The following PCDHA12 variants were observed in gnomAD, a reference collection of about 807,000 sequenced individuals.
PCDHA12 encodes the protein protocadherin alpha-12.
In PCDHA12, 44 loss-of-function variants were observed where a neutral mutation model predicts 60.0. That is an observed-to-expected ratio of 0.73 (90% CI 0.58 to 0.94). PCDHA12 has a LOEUF of 0.94. PCDHA12 is among the 40% of genes least tolerant of loss of function. The pLI, the probability that PCDHA12 is intolerant of heterozygous loss-of-function variation, is 0.00. For missense variants in PCDHA12, 1,276 were observed against 1,239.7 expected, an observed-to-expected ratio of 1.03 and a Z score of -0.44; for synonymous variants, 569 against 553.0, an observed-to-expected ratio of 1.03 and a Z score of -0.40.
At chr5:140,962,077 G>T (rs2095655013) in intron 1 of PCDHA12, among the ~76,000 whole-genome samples, 1 of 151,866 alleles carries the variant, frequency 6.6e-6, no homozygotes, top group South Asian at 2.1e-4. Flanking sequence ...AGTAGAGACG[G>T]GGTTTCACCA....
intron 3 of PCDHA12, among the ~76,000 whole-genome samples, chr5:140,986,303 A>G (rs2097193977): frequency 6.6e-6 from 1 of 152,166 alleles, no homozygotes; most frequent in South Asian, 2.1e-4. Context: ...CAGAGAGAGA[A>G]AATTAGCTAA....
At chr5:140,897,187 TA>T (rs1554187233) in intron 1 of PCDHA12, among the ~76,000 whole-genome samples, 7 of 152,166 alleles carry the variant, frequency 4.6e-5, no homozygotes, top group Non-Finnish European at 1.0e-4. Context: ...TCAAAAAATA[TA>T]TTTTTTTATT....
chr5:140,969,680 G>A (rs2096353475), intron 1 of PCDHA12, among the ~76,000 whole-genome samples: 1 of 152,204 alleles, frequency 6.6e-6, no homozygotes, highest in African/African-American at 2.4e-5. Context: ...TGAGACTCAA[G>A]GAGAAATGGC....
chr5:140,902,615 G>C (rs2153477614), intron 1 of PCDHA12, among the ~76,000 whole-genome samples: 1 of 152,128 alleles, frequency 6.6e-6, no homozygotes, highest in Admixed American at 6.6e-5. Context: ...AGTTACATGG[G>C]TAAGTTATTT....
At chr5:140,967,589 T>C (rs782348275) in intron 1 of PCDHA12, 20 of 1,613,912 alleles carry the variant, frequency 1.2e-5, no homozygotes, top group African/African-American at 1.2e-4. Context: ...CCCAGGCACA[T>C]TGGTGGTGAA....
intron 1 of PCDHA12, among the ~76,000 whole-genome samples, chr5:140,960,147 T>C (rs2095529138): frequency 6.6e-6 from 1 of 152,322 alleles, no homozygotes; most frequent in Admixed American, 6.5e-5. Context: ...TATTAATAGC[T>C]TGAGACTGAT....
At chr5:140,937,844 G>A (rs926736710) in intron 1 of PCDHA12, among the ~76,000 whole-genome samples, 7 of 149,606 alleles carry the variant, frequency 4.7e-5, no homozygotes, top group Non-Finnish European at 8.9e-5. Context: ...CCTGGAAGGC[G>A]GAACTTGGAG....
chr5:140,882,261 AGTGTACCATGCT>A (rs1554173264), intron 1 of PCDHA12: 1 of 1,604,356 alleles, frequency 6.2e-7, no homozygotes, highest in Non-Finnish European at 8.5e-7. Flanking sequence ...AGGTTTTTGG[AGTGTACCATGCT>A]GTCTTCCTGG....
At chr5:140,966,993 G>A in intron 1 of PCDHA12, 4 of 1,604,524 alleles carry the variant, frequency 2.5e-6, no homozygotes, top group Non-Finnish European at 3.4e-6. Context: ...GGGCCGGGTT[G>A]CTTGCGCATC....
chr5:140,967,986 C>A, intron 1 of PCDHA12: 1 of 1,614,226 alleles, frequency 6.2e-7, no homozygotes, highest in Non-Finnish European at 8.5e-7. Flanking sequence ...CTGGAGGCCA[C>A]ACTGCCTTTC....
intron 1 of PCDHA12, among the ~76,000 whole-genome samples, chr5:140,973,426 C>T (rs1554235288): frequency 6.6e-6 from 1 of 152,192 alleles, no homozygotes; most frequent in East Asian, 1.9e-4. Flanking sequence ...GTTTTTCATC[C>T]TCTGATGGTC....
At chr5:140,893,318 T>C (rs1329749503) in intron 1 of PCDHA12, among the ~76,000 whole-genome samples, 2 of 152,170 alleles carry the variant, frequency 1.3e-5, no homozygotes, top group African/African-American at 2.4e-5. Context: ...TTTGAGGGAC[T>C]CCCATACTGT....
chr5:140,887,722 T>C (rs1214089693), intron 1 of PCDHA12, among the ~76,000 whole-genome samples: 2 of 152,200 alleles, frequency 1.3e-5, no homozygotes, highest in Non-Finnish European at 2.9e-5. Context: ...AATAGTTTTT[T>C]CTTTCCTTCC....
intron 1 of PCDHA12, among the ~76,000 whole-genome samples, chr5:140,915,121 A>G (rs982484419): frequency 1.1e-4 from 16 of 151,600 alleles, no homozygotes; most frequent in African/African-American, 3.9e-4. Flanking sequence ...CCTAATTTTT[A>G]TATTTTTAGT....
At chr5:140,931,044 CT>C (rs781930381) in intron 1 of PCDHA12, among the ~76,000 whole-genome samples, 67 of 152,264 alleles carry the variant, frequency 4.4e-4, no homozygotes, top group South Asian at 2.7e-3. Flanking sequence ...GCAAGAAAAA[CT>C]TCAATGCTGT....
In PCDHA12 at chr5:140,876,475, A is replaced by G. The variant is rs1385416022; in HGVS notation, c.1003A>G (p.Met335Val). Reference protein sequence around the residue: ...KGIPSMAGHSMVLVEVLDVND... With the variant: ...KGIPSMAGHSVVLVEVLDVND... ...GATTCCTTCCATGGCAGGTCACAGCATGGTCCTGGTGGAAGTTCTGGACGT... is the reference window on the plus strand; with the variant it reads ...GATTCCTTCCATGGCAGGTCACAGCGTGGTCCTGGTGGAAGTTCTGGACGT... Residue 335 changes from methionine (M) to valine (V), a missense_variant, in exon 1 of 4, where the codon ATG (methionine) becomes GTG (valine). Transcript: ENST00000398631. The G allele has an allele frequency of 6.2e-7, 1 of 1,614,054 alleles. No individual in the cohort carries two copies. The highest frequency in any genetic ancestry group is 8.5e-7 in the Non-Finnish European group (1 of 1,179,906).
chr5:140,953,536 A>G (rs2094900021), intron 1 of PCDHA12, among the ~76,000 whole-genome samples: 1 of 152,124 alleles, frequency 6.6e-6, no homozygotes, highest in Non-Finnish European at 1.5e-5. Flanking sequence ...AACTCACTTC[A>G]TGCTGATTCT....
intron 1 of PCDHA12, chr5:140,967,218 C>G: frequency 6.2e-7 from 1 of 1,613,744 alleles, no homozygotes; most frequent in Non-Finnish European, 8.5e-7. Flanking sequence ...TTCCCGCGGC[C>G]CAACTACCAG....
At chr5:140,981,327 A>C (rs1330138417) in intron 2 of PCDHA12, among the ~76,000 whole-genome samples, 1 of 152,196 alleles carries the variant, frequency 6.6e-6, no homozygotes, top group Non-Finnish European at 1.5e-5. Context: ...TAATCCCAGC[A>C]CTTTGGGAGG....
Sources: gnomAD v4.1 joint callset for allele counts (sites outside exome capture counted in the v4.1 genomes callset) on GRCh38, gnomAD v4.1.1 for gene constraint, MANE v1.5 for transcripts, NCBI Gene and HGNC (gene_info 2026-07-23, HGNC 2026-07-21) for gene names.